The following GAB2 variants were observed in gnomAD, a reference collection of about 807,000 sequenced individuals.
GAB2 encodes GRB2 associated binding protein 2, also known as GRB2-associated-binding protein 2.
Under a neutral mutation model 65.5 loss-of-function variants are expected in GAB2, and 26 were observed. The ratio of observed to expected loss-of-function variants is 0.40; its 90% CI spans 0.29 to 0.55. The LOEUF is 0.55. Among genes scored for constraint, GAB2 ranks in the 20% least tolerant of loss-of-function variants. The probability of loss-of-function intolerance (pLI) is 0.53; values close to 1 mark genes in which losing one functional copy is unlikely to be tolerated. For missense variants in GAB2, 884 were observed against 875.8 expected (o/e 1.01, Z -0.12); for synonymous variants, 321 against 329.6 (o/e 0.97, Z 0.28).
intron 1 of GAB2, among the ~76,000 whole-genome samples, chr11:78,301,341 T>TG (rs1279053990): frequency 6.6e-6 from 1 of 151,456 alleles, no homozygotes; most frequent in Non-Finnish European, 1.5e-5. Context: ...TTTTTTGTTT[T>TG]TTTTTTGAGA....
At chr11:78,269,500 G>A (rs1024521227) in intron 2 of GAB2, among the ~76,000 whole-genome samples, 1 of 152,180 alleles carries the variant, frequency 6.6e-6, no homozygotes, top group Non-Finnish European at 1.5e-5. Context: ...TCTCCCTGCT[G>A]TAAGAAATCC....
At chr11:78,384,447 AGAGATCCACTCAAAAAAGCACATTTTG>A (rs1475695623) in intron 1 of GAB2, among the ~76,000 whole-genome samples, 1 of 152,236 alleles carries the variant, frequency 6.6e-6, no homozygotes, top group Non-Finnish European at 1.5e-5. Context: ...GGCTGAGGCC[AGAGATCCACTCAAAAAAGCACATTTTG>A]GAAATGCTGG....
chr11:78,365,792 T>A (rs981619548), intron 1 of GAB2, among the ~76,000 whole-genome samples: 1 of 152,198 alleles, frequency 6.6e-6, no homozygotes, highest in African/African-American at 2.4e-5. Flanking sequence ...CAAAAATAAC[T>A]TAAGAAACAC....
chr11:78,247,087 TTTTTATGACA>T (rs1486104819), intron 3 of GAB2, among the ~76,000 whole-genome samples: 1 of 152,172 alleles, frequency 6.6e-6, no homozygotes, highest in African/African-American at 2.4e-5. Flanking sequence ...AAGATGGGGT[TTTTTATGACA>T]TTTTAGCCAT....
At chr11:78,273,722 G>A (rs1224288584) in intron 2 of GAB2, among the ~76,000 whole-genome samples, 2 of 152,208 alleles carry the variant, frequency 1.3e-5, no homozygotes, top group African/African-American at 4.8e-5. Context: ...TTGAAAGGGG[G>A]CAGGGGCAGA....
chr11:78,329,708 C>T (rs1477188573), intron 1 of GAB2, among the ~76,000 whole-genome samples: 1 of 152,176 alleles, frequency 6.6e-6, no homozygotes, highest in African/African-American at 2.4e-5. Context: ...CAGTTTTGTA[C>T]TTGGAAGGTG....
chr11:78,325,716 C>T (rs1018262069), intron 1 of GAB2, among the ~76,000 whole-genome samples: 8 of 152,306 alleles, frequency 5.3e-5, no homozygotes, highest in African/African-American at 1.9e-4. Context: ...AAAGATCTTA[C>T]ATGACTTAGC....
chr11:78,352,637 G>A (rs1374585975), intron 1 of GAB2, among the ~76,000 whole-genome samples: 1 of 152,164 alleles, frequency 6.6e-6, no homozygotes, highest in Non-Finnish European at 1.5e-5. Context: ...CTTTGCCCCA[G>A]GGGCTGAATC....
chr11:78,311,167 G>A (rs1855492729), intron 1 of GAB2, among the ~76,000 whole-genome samples: 1 of 152,126 alleles, frequency 6.6e-6, no homozygotes, highest in African/African-American at 2.4e-5. Context: ...ATAATGTACT[G>A]AGGTAAAAAT....
At chr11:78,342,103 C>T (rs1323713962) in intron 1 of GAB2, among the ~76,000 whole-genome samples, 1 of 152,214 alleles carries the variant, frequency 6.6e-6, no homozygotes, top group Non-Finnish European at 1.5e-5. Flanking sequence ...AGGATCACCA[C>T]CTTCTGTGCA....
intron 2 of GAB2, among the ~76,000 whole-genome samples, chr11:78,264,406 CTT>C (rs71473373): frequency 2.1e-5 from 3 of 146,096 alleles, no homozygotes; most frequent in Admixed American, 6.9e-5. Context: ...ATTTCTTTTT[CTT>C]TTTTTTTTTG....
intron 1 of GAB2, among the ~76,000 whole-genome samples, chr11:78,393,642 G>A (rs977048165): frequency 1.3e-5 from 2 of 152,066 alleles, no homozygotes; most frequent in African/African-American, 4.8e-5. Context: ...TCATCCTAAG[G>A]ATAAAAGTCT....
At chr11:78,400,976 A>G (rs1856963915) in intron 1 of GAB2, among the ~76,000 whole-genome samples, 2 of 151,688 alleles carry the variant, frequency 1.3e-5, no homozygotes, top group South Asian at 4.2e-4. Flanking sequence ...GCTCTGTGCA[A>G]CTTCATTGCC....
chr11:78,338,844 T>C (rs1003904251), intron 1 of GAB2, among the ~76,000 whole-genome samples: 3 of 152,196 alleles, frequency 2.0e-5, no homozygotes, highest in African/African-American at 7.2e-5. Context: ...CAAATTTCAC[T>C]GGGTTTTAGA....
chr11:78,352,145 G>A (rs1166118150), intron 1 of GAB2, among the ~76,000 whole-genome samples: 3 of 152,240 alleles, frequency 2.0e-5, no homozygotes, highest in East Asian at 3.9e-4. Context: ...TCCGGGAGGC[G>A]GAGGCTGCAG....
chr11:78,292,460 G>A (rs1056424029), intron 1 of GAB2, among the ~76,000 whole-genome samples: 3 of 152,196 alleles, frequency 2.0e-5, no homozygotes, highest in Admixed American at 6.5e-5. Flanking sequence ...AGATTCTGGA[G>A]GTTTAGAAAT....
intron 1 of GAB2, among the ~76,000 whole-genome samples, chr11:78,387,301 G>A (rs1045779628): frequency 1.3e-5 from 2 of 152,164 alleles, no homozygotes; most frequent in African/African-American, 4.8e-5. Flanking sequence ...CCCTTGGGCT[G>A]TCATCTTCTC....
At chr11:78,415,560 G>C (rs982022584) in intron 1 of GAB2, among the ~76,000 whole-genome samples, 21 of 152,276 alleles carry the variant, frequency 1.4e-4, no homozygotes, top group African/African-American at 5.1e-4. Flanking sequence ...CTTCCGAAGG[G>C]GCAGAGGCTT....
chr11:78,288,358 A>C (rs1457928146), intron 1 of GAB2, among the ~76,000 whole-genome samples: 1 of 147,954 alleles, frequency 6.8e-6, no homozygotes, highest in African/African-American at 2.5e-5. Flanking sequence ...CAGCCTGGGC[A>C]ACAGAGTGAG....
Sources: gnomAD v4.1 joint callset for allele counts (sites outside exome capture counted in the v4.1 genomes callset) on GRCh38, gnomAD v4.1.1 for gene constraint, MANE v1.5 for transcripts, NCBI Gene and HGNC (gene_info 2026-07-23, HGNC 2026-07-21) for gene names.